Variants in OXR1 observed in about 807,000 individuals in gnomAD.
OXR1 encodes oxidation resistance 1, also known as oxidation resistance protein 1.
In OXR1, 41 loss-of-function variants were observed where a neutral mutation model predicts 104.6. The ratio of observed to expected loss-of-function variants is 0.39; its 90% CI spans 0.31 to 0.51. The LOEUF (loss-of-function observed/expected upper bound fraction) is 0.51, where lower values mean the gene tolerates loss of function less well. OXR1 is among the 20% of genes least tolerant of loss of function. OXR1 has a pLI of 0.77. For synonymous variants in OXR1, 348 were observed against 348.4 expected (o/e 1.00, Z 0.01); for missense variants, 955 against 1,031.9 (o/e 0.93, Z 1.02).
chr8:106,656,481 A>T (rs569571087), intron 3 of OXR1: 1 of 152,348 alleles, frequency 6.6e-6, no homozygotes, highest in East Asian at 1.9e-4. Context: ...TCCTAATACC[A>T]TCACATTGGG....
chr8:106,282,641 A>T (rs1285085435), intron 1 of OXR1, among the ~76,000 whole-genome samples: 2 of 152,224 alleles, frequency 1.3e-5, no homozygotes, highest in Non-Finnish European at 2.9e-5. Flanking sequence ...ATTATAAGGA[A>T]GATAACATAT....
intron 2 of OXR1, among the ~76,000 whole-genome samples, chr8:106,368,519 C>T (rs1286249519): frequency 6.6e-6 from 1 of 151,646 alleles, no homozygotes; most frequent in Non-Finnish European, 1.5e-5. Flanking sequence ...TTTGCTGCAC[C>T]TATTGACTTG....
intron 1 of OXR1, among the ~76,000 whole-genome samples, chr8:106,359,047 TTTTCTTTCTTTCTTTCTTTCTTTCTTTC>T (rs76498142): frequency 1.6e-4 from 22 of 141,206 alleles, no homozygotes; most frequent in African/African-American, 2.8e-4. Flanking sequence ...CATGGAATTC[TTTTCTTTCTTTCTTTCTTTCTTTCTTTC>T]TTTCTTTCTT....
chr8:106,339,351 C>A (rs554377065), intron 1 of OXR1, among the ~76,000 whole-genome samples: 2 of 150,048 alleles, frequency 1.3e-5, no homozygotes, highest in African/African-American at 4.9e-5. Context: ...AAAAATCAGC[C>A]GGGCGTGGTG....
Position 106,693,424 on chromosome 8 carries a change from CTTTTTTTTT to C in OXR1, c.675+561_675+569del, listed in dbSNP as rs11384137. 5.6e-3 allele frequency among the ~76,000 whole-genome samples: 544 copies of C among 97,548 alleles called. 3 individuals are homozygous for C. The highest frequency in any genetic ancestry group is 0.021 in the African/African-American group (516 of 24,278). 64.0% of individuals were successfully genotyped at this position (97,548 alleles called of 152,430 possible). A position where few individuals can be genotyped will look rare whatever the true frequency, so the allele number is the denominator to read the frequency against. ...GCCAGAATTCAAACCTAGTCAGAAT[CTTTTTTTTT>C]TTTTTTTTTTTTTGAGATGAAGTTT... On this transcript the variant is annotated intron_variant, in intron 7 of 16. Transcript: ENST00000517566.
intron 2 of OXR1, among the ~76,000 whole-genome samples, chr8:106,441,006 T>C (rs1370272572): frequency 6.6e-6 from 1 of 152,126 alleles, no homozygotes; most frequent in East Asian, 1.9e-4. Flanking sequence ...ATTTTCATTG[T>C]TTTTTAAAAA....
At chr8:106,328,727 A>G (rs1261544409) in intron 1 of OXR1, among the ~76,000 whole-genome samples, 1 of 152,228 alleles carries the variant, frequency 6.6e-6, no homozygotes, top group Non-Finnish European at 1.5e-5. Context: ...TTGAGCAGGA[A>G]TAGTAACATA....
chr8:106,491,880 C>A (rs1811111073), intron 2 of OXR1, among the ~76,000 whole-genome samples: 1 of 152,008 alleles, frequency 6.6e-6, no homozygotes, highest in South Asian at 2.1e-4. Flanking sequence ...TCTTTGTCAC[C>A]TTTAGTATGT....
chr8:106,487,341 T>TTTTG (rs1554581706), intron 2 of OXR1, among the ~76,000 whole-genome samples: 2 of 146,418 alleles, frequency 1.4e-5, no homozygotes, highest in African/African-American at 2.6e-5. Context: ...AGGTATTTCT[T>TTTTG]TTTTTTTTTT....
At chr8:106,485,828 A>T (rs1810613376) in intron 2 of OXR1, among the ~76,000 whole-genome samples, 1 of 152,052 alleles carries the variant, frequency 6.6e-6, no homozygotes. Flanking sequence ...AACCTGGAGG[A>T]CATTATGTTA....
intron 11 of OXR1, among the ~76,000 whole-genome samples, chr8:106,717,449 A>G (rs1419676992): frequency 6.6e-6 from 1 of 152,128 alleles, no homozygotes; most frequent in Admixed American, 6.5e-5. Flanking sequence ...ATTTAAACTA[A>G]CACCTCTACT....
At chr8:106,515,320 C>T (rs1242771171) in intron 2 of OXR1, among the ~76,000 whole-genome samples, 4 of 152,118 alleles carry the variant, frequency 2.6e-5, no homozygotes, top group East Asian at 1.9e-4. Flanking sequence ...GTGGTGACAA[C>T]GCTGAAAACC....
At chr8:106,662,539 A>G (rs1374394227) in intron 3 of OXR1, among the ~76,000 whole-genome samples, 1 of 152,198 alleles carries the variant, frequency 6.6e-6, no homozygotes. Context: ...TAATAATTAT[A>G]ATAGACAAAA....
chr8:106,708,307 G>A, intron 9 of OXR1, among the ~76,000 whole-genome samples: 1 of 152,086 alleles, frequency 6.6e-6, no homozygotes. Flanking sequence ...ACTAAGATGG[G>A]AGAATTGATT....
At chr8:106,489,899 A>G (rs1419359534) in intron 2 of OXR1, among the ~76,000 whole-genome samples, 1 of 152,186 alleles carries the variant, frequency 6.6e-6, no homozygotes, top group Non-Finnish European at 1.5e-5. Context: ...ACATAAGGTG[A>G]TCATATAATT....
At chr8:106,553,522 G>A (rs1348633295) in intron 3 of OXR1, among the ~76,000 whole-genome samples, 3 of 151,898 alleles carry the variant, frequency 2.0e-5, no homozygotes, top group Admixed American at 1.3e-4. Flanking sequence ...GTTTTGCCAT[G>A]TTGCCCAGGT....
intron 3 of OXR1, among the ~76,000 whole-genome samples, chr8:106,551,130 C>G (rs1815768118): frequency 6.6e-6 from 1 of 152,076 alleles, no homozygotes; most frequent in African/African-American, 2.4e-5. Flanking sequence ...TAATGTAATT[C>G]AAAGAGTTTA....
chr8:106,549,713 C>T (rs74497822), intron 3 of OXR1, among the ~76,000 whole-genome samples: 7,545 of 152,238 alleles, frequency 0.05, 199 homozygotes, highest in Middle Eastern at 0.1. Flanking sequence ...TGTCTTTTCA[C>T]AATGTATTCA....
chr8:106,741,804 G>A (rs1050511437), intron 14 of OXR1, among the ~76,000 whole-genome samples: 1 of 151,952 alleles, frequency 6.6e-6, no homozygotes, highest in African/African-American at 2.4e-5. Context: ...TAATGATAAA[G>A]AAAAAATATC....
Sources: allele counts gnomAD v4.1 joint callset (sites outside exome capture counted in the v4.1 genomes callset), GRCh38; gene constraint gnomAD v4.1.1; transcripts MANE v1.5; gene names NCBI Gene and HGNC (gene_info 2026-07-23, HGNC 2026-07-21).